DACH1: variants seen among roughly 807,000 people sequenced by gnomAD.
DACH1 encodes the protein dachshund family transcription factor 1, also known as dachshund homolog 1.
DACH1 carries 12 observed loss-of-function variants against 54.2 expected under a neutral mutation model. The observed-to-expected ratio is 0.22, with a 90% CI of 0.14 to 0.36. The LOEUF (loss-of-function observed/expected upper bound fraction) is 0.36, where lower values mean the gene tolerates loss of function less well. DACH1 is among the 10% of genes least tolerant of loss of function. The pLI is 1.00. For missense variants in DACH1, 805 were observed against 929.8 expected, an observed-to-expected ratio of 0.87 and a Z score of 1.75; for synonymous variants, 386 against 366.2, an observed-to-expected ratio of 1.05 and a Z score of -0.62.
intron 3 of DACH1, 65 bp downstream of exon 3, chr13:71,630,491 A>G: frequency 1.4e-6 from 2 of 1,472,250 alleles, no homozygotes; most frequent in Non-Finnish European, 9.0e-7. Flanking sequence ...TTTGTTCTGG[A>G]AAAGCATTTA....
intron 6 of DACH1, among the ~76,000 whole-genome samples, chr13:71,505,353 T>C (rs1006878667): frequency 1.3e-5 from 2 of 152,202 alleles, no homozygotes; most frequent in Non-Finnish European, 2.9e-5. Flanking sequence ...AGTACTGGGA[T>C]TACAGGCGTA....
chr13:71,776,009 A>G (rs1035160461), intron 1 of DACH1, among the ~76,000 whole-genome samples: 1 of 152,116 alleles, frequency 6.6e-6, no homozygotes, highest in African/African-American at 2.4e-5. Flanking sequence ...CTCAATTTCC[A>G]TAAAAGTTAA....
intron 10 of DACH1, among the ~76,000 whole-genome samples, chr13:71,470,690 G>T (rs1444591949): frequency 1.3e-5 from 2 of 152,082 alleles, no homozygotes; most frequent in African/African-American, 2.4e-5. Context: ...CAAAGTCTGA[G>T]AAATGTCAGA....
In DACH1 at chr13:71,440,555, G is replaced by T; in HGVS notation, c.*100C>A. On this transcript the variant is annotated 3_prime_UTR_variant, in exon 11 of 11. Coordinates refer to ENST00000613252, the MANE Select transcript of DACH1 (RefSeq NM_080759.6). ...AACATTAATACACAAAATTCAGGAA[G>T]TTCCCTTAAAAGGACTTTATTTTTT... The T allele has an allele frequency of 2.3e-6, 2 of 880,820 alleles. No homozygotes were observed. The highest frequency in any genetic ancestry group is 3.6e-6 in the Non-Finnish European group (2 of 562,914). The allele number at this position is 880,820 out of a possible 1,614,324, so 54.6% of individuals were successfully genotyped here. A position where few individuals can be genotyped will look rare whatever the true frequency, so the allele number is the denominator to read the frequency against.
chr13:71,629,759 C>T (rs1876946755), intron 3 of DACH1, among the ~76,000 whole-genome samples: 1 of 152,036 alleles, frequency 6.6e-6, no homozygotes, highest in Non-Finnish European at 1.5e-5. Flanking sequence ...ATCCAAATTT[C>T]TCTTGTTAAT....
intron 2 of DACH1, among the ~76,000 whole-genome samples, chr13:71,640,886 T>C (rs1024819275): frequency 6.6e-6 from 1 of 152,116 alleles, no homozygotes; most frequent in South Asian, 2.1e-4. Flanking sequence ...ATAACCTCAC[T>C]GGCATTTCAG....
chr13:71,796,663 A>T (rs992096084), intron 1 of DACH1, among the ~76,000 whole-genome samples: 2 of 152,142 alleles, frequency 1.3e-5, no homozygotes, highest in Non-Finnish European at 2.9e-5. Context: ...TATGATAGGA[A>T]ATCACATAAA....
At chr13:71,597,451 C>A (rs1206590902) in intron 3 of DACH1, among the ~76,000 whole-genome samples, 1 of 152,070 alleles carries the variant, frequency 6.6e-6, no homozygotes, top group Admixed American at 6.6e-5. Flanking sequence ...TTATACAGTA[C>A]CTACCATTTG....
chr13:71,594,102 T>C (rs1003627799), intron 3 of DACH1, among the ~76,000 whole-genome samples: 1 of 151,326 alleles, frequency 6.6e-6, no homozygotes, highest in Admixed American at 6.6e-5. Flanking sequence ...AGTAAAGACA[T>C]AAACATTGAA....
intron 1 of DACH1, among the ~76,000 whole-genome samples, chr13:71,830,946 G>T (rs1480348901): frequency 6.6e-6 from 1 of 151,874 alleles, no homozygotes; most frequent in Non-Finnish European, 1.5e-5. Flanking sequence ...TGTCAGCATG[G>T]TTCCAGAGGA....
chr13:71,737,697 A>C (rs1884200831), intron 1 of DACH1, among the ~76,000 whole-genome samples: 1 of 152,220 alleles, frequency 6.6e-6, no homozygotes, highest in Non-Finnish European at 1.5e-5. Context: ...GTGGGCAAGG[A>C]AATCATTTAG....
chr13:71,789,209 A>G (rs1036514456), intron 1 of DACH1, among the ~76,000 whole-genome samples: 44 of 152,134 alleles, frequency 2.9e-4, no homozygotes, highest in African/African-American at 6.0e-4. Flanking sequence ...TACTCTGTTT[A>G]GATCACAGTG....
intron 3 of DACH1, among the ~76,000 whole-genome samples, chr13:71,600,394 C>T (rs1874406503): frequency 6.6e-6 from 1 of 151,880 alleles, no homozygotes; most frequent in Non-Finnish European, 1.5e-5. Flanking sequence ...CTATATATGC[C>T]CAAATCCTGA....
At chr13:71,746,166 C>T (rs1242548397) in intron 1 of DACH1, among the ~76,000 whole-genome samples, 8 of 152,186 alleles carry the variant, frequency 5.3e-5, no homozygotes, top group Non-Finnish European at 1.0e-4. Context: ...TGCGCTGAGC[C>T]GAGATTGCGC....
chr13:71,521,277 C>T (rs1226019858), intron 6 of DACH1, among the ~76,000 whole-genome samples: 1 of 151,930 alleles, frequency 6.6e-6, no homozygotes, highest in Admixed American at 6.6e-5. Context: ...TAATACTATA[C>T]CTTTTGAAAG....
At chr13:71,528,086 GAGAA>G (rs773447552) in intron 6 of DACH1, among the ~76,000 whole-genome samples, 175 of 152,244 alleles carry the variant, frequency 1.1e-3, no homozygotes, top group Admixed American at 4.1e-3. Context: ...TGATAAAAAT[GAGAA>G]AGAATAATCC....
At chr13:71,552,752 A>G (rs1883893914) in intron 6 of DACH1, among the ~76,000 whole-genome samples, 1 of 138,856 alleles carries the variant, frequency 7.2e-6, no homozygotes, top group Admixed American at 7.4e-5. Flanking sequence ...AAAAGCTGAA[A>G]GACAGTTTTC....
rs552619190 is a variant in DACH1 at position 71,718,668 on chromosome 13, ATGT to A, written c.849-36761_849-36759del. On this transcript the variant is annotated intron_variant, in intron 1 of 10. Coordinates refer to ENST00000613252, the MANE Select transcript of DACH1 (RefSeq NM_080759.6). Reference sequence around the variant, plus strand: ...TAGATAACTTACTCAGTATATCAGGATGTTGTAAAATTGACACTGGCATTTGTT... The same window carrying A: ...TAGATAACTTACTCAGTATATCAGGATGTAAAATTGACACTGGCATTTGTT... Among the ~76,000 whole-genome samples the A allele has an allele frequency of 1.2e-4, 18 of 151,714 alleles. 1 individual carries two copies. In the South Asian group the frequency reaches 3.7e-3, roughly 32 times the overall value.
At chr13:71,706,054 A>C (rs539189923) in intron 1 of DACH1, among the ~76,000 whole-genome samples, 14 of 152,130 alleles carry the variant, frequency 9.2e-5, no homozygotes, top group Non-Finnish European at 1.8e-4. Context: ...TGTCATCATA[A>C]ATATTCTCTA....
Sources: gnomAD v4.1 joint callset for allele counts (sites outside exome capture counted in the v4.1 genomes callset) on GRCh38, gnomAD v4.1.1 for gene constraint, MANE v1.5 for transcripts, NCBI Gene and HGNC (gene_info 2026-07-23, HGNC 2026-07-21) for gene names.